Variants in HYDIN observed in about 807,000 individuals in gnomAD.
The protein encoded by HYDIN is axonemal central pair apparatus protein HYDIN.
A neutral mutation model predicts 403.9 loss-of-function variants in HYDIN; 132 were observed. The observed-to-expected ratio is 0.33, with a 90% CI of 0.28 to 0.38. The LOEUF (loss-of-function observed/expected upper bound fraction) is 0.38. Ranked by LOEUF, HYDIN falls within the 10% of genes least tolerant of loss-of-function variation. The pLI, the probability that HYDIN is intolerant of heterozygous loss-of-function variation, is 1.00. For missense variants in HYDIN, 2,827 were observed against 5,009.5 expected (o/e 0.56, Z 13.15); for synonymous variants, 1,202 against 1,891.7 (o/e 0.64, Z 9.46).
Position 70,809,840 on chromosome 16 carries a change from T to C in HYDIN, c.14826A>G (p.Gln4942=), listed in dbSNP as rs747587965. The change falls in exon 85 of 86, where the codon CAA becomes CAG. Residue 4942 remains glutamine, a synonymous_variant. Transcript: ENST00000393567. ...AATTGATGAACTTCACAAGGATGAT[T>C]TGGCTGCTGCCAAGGACAGTCTGGA... is the stretch of plus-strand genomic sequence containing the variant. ...VHFQTVLGSS[Q]IILVKFINYT... 9.9e-6 allele frequency: 16 copies of C among 1,614,090 alleles called. No individual in the cohort carries two copies. The African/African-American group carries it at 1.5e-4, about 15-fold the overall frequency.
chr16:70,877,313 T>C (rs974092971), intron 62 of HYDIN, among the ~76,000 whole-genome samples: 1 of 151,402 alleles, frequency 6.6e-6, no homozygotes, highest in Non-Finnish European at 1.5e-5. Context: ...TTTTCCAAAA[T>C]TGACTTAATT....
intron 1 of HYDIN, among the ~76,000 whole-genome samples, chr16:71,196,472 C>A (rs1158174080): frequency 1.3e-5 from 2 of 152,188 alleles, no homozygotes; most frequent in African/African-American, 2.4e-5. Flanking sequence ...CAGATGCAAA[C>A]TGGAATCTAC....
chr16:70,984,879 G>A (rs1774524), intron 28 of HYDIN, among the ~76,000 whole-genome samples: 3,655 of 138,010 alleles, frequency 0.026, no homozygotes, highest in African/African-American at 0.12. Context: ...GAATTACAAG[G>A]GCAGCGTGAA....
chr16:71,026,895 A>C (rs921354107), intron 20 of HYDIN, among the ~76,000 whole-genome samples: 1 of 152,050 alleles, frequency 6.6e-6, no homozygotes, highest in African/African-American at 2.4e-5. Context: ...CACAAGCAGG[A>C]TCTTAAGCAA....
chr16:71,084,953 C>T (rs892285186), intron 12 of HYDIN, among the ~76,000 whole-genome samples: 2 of 149,192 alleles, frequency 1.3e-5, no homozygotes, highest in African/African-American at 5.0e-5. Context: ...ATAAATCCCA[C>T]TTCGTCATGG....
At chr16:71,025,556 A>T in intron 20 of HYDIN, 30 bp from the exon 21 acceptor site, 1 of 161,276 alleles carries the variant, frequency 6.2e-6, no homozygotes, top group Non-Finnish European at 1.1e-5. Context: ...GCATTTGGGG[A>T]ACAACTATAA....
At chr16:70,967,757 T>C (rs1262291229) in intron 36 of HYDIN, among the ~76,000 whole-genome samples, 2 of 151,266 alleles carry the variant, frequency 1.3e-5, no homozygotes, top group Non-Finnish European at 2.9e-5. Flanking sequence ...AAGAATTTTG[T>C]ATTTTTTTTT....
At chr16:71,012,847 C>CTT (rs35998725) in intron 23 of HYDIN, among the ~76,000 whole-genome samples, 21 of 125,722 alleles carry the variant, frequency 1.7e-4, no homozygotes, top group African/African-American at 5.0e-4. Context: ...AACCAGGTGG[C>CTT]TTTTTTTTTT....
intron 23 of HYDIN, among the ~76,000 whole-genome samples, chr16:71,016,480 A>G: frequency 6.7e-6 from 1 of 149,914 alleles, no homozygotes; most frequent in Non-Finnish European, 1.5e-5. Context: ...GTTGGTGAGG[A>G]TGCGGAGAAA....
intron 6 of HYDIN, among the ~76,000 whole-genome samples, chr16:71,157,526 C>T (rs1186656729): frequency 9.3e-5 from 14 of 150,522 alleles, no homozygotes; most frequent in African/African-American, 3.4e-4. Flanking sequence ...CAAATTCAAC[C>T]ACATTCTTTC....
In HYDIN at chr16:70,829,580, G is replaced by A. The variant is rs752418575; in HGVS notation, c.14112+38C>T. 1.1e-5 allele frequency: 17 copies of A among 1,547,716 alleles called. No individual in the cohort carries two copies. In the South Asian group the frequency reaches 1.8e-4, roughly 16 times the overall value. On this transcript the variant is annotated intron_variant, in intron 81 of 85. Transcript: ENST00000393567. Reference sequence around the variant, plus strand: ...TTCACATAGTGCCACCTTCAACTATGCCAGGAAACCAATGGGGGTGGGGGG... The same window carrying A: ...TTCACATAGTGCCACCTTCAACTATACCAGGAAACCAATGGGGGTGGGGGG...
chr16:71,010,349 G>T (rs567963545), intron 23 of HYDIN, among the ~76,000 whole-genome samples: 1 of 152,314 alleles, frequency 6.6e-6, no homozygotes, highest in South Asian at 2.1e-4. Context: ...GTTTATGGAA[G>T]GGACAAAAGC....
intron 23 of HYDIN, among the ~76,000 whole-genome samples, chr16:71,007,076 C>G (rs2079912506): frequency 1.3e-5 from 2 of 151,266 alleles, no homozygotes; most frequent in African/African-American, 2.4e-5. Context: ...CCGTCCCTCC[C>G]TTCCTTCCTT....
At chr16:71,134,994 A>C (rs2084859795) in intron 8 of HYDIN, among the ~76,000 whole-genome samples, 1 of 152,200 alleles carries the variant, frequency 6.6e-6, no homozygotes. Context: ...CCGAGATAAA[A>C]CAATAGTTTG....
chr16:70,840,857 A>G (rs1314113969), intron 75 of HYDIN, among the ~76,000 whole-genome samples: 4 of 151,886 alleles, frequency 2.6e-5, no homozygotes, highest in Non-Finnish European at 5.9e-5. Flanking sequence ...GAAAGAGCAC[A>G]GGTCATCATC....
At chr16:71,223,736 C>T (rs1356780618) in intron 1 of HYDIN, among the ~76,000 whole-genome samples, 1 of 152,048 alleles carries the variant, frequency 6.6e-6, no homozygotes, top group Admixed American at 6.5e-5. Flanking sequence ...AAATGCTCAT[C>T]AGTAGTTGTC....
At position 70,804,987 on chromosome 16, in the gene HYDIN, C is replaced by T. The variant is rs1211149001; in HGVS notation, c.*2593G>A. Among the ~76,000 whole-genome samples the T allele has an allele frequency of 2.6e-5, 4 of 152,224 alleles. No homozygotes were observed. Among genetic ancestry groups the T allele is most frequent in the Non-Finnish European group, 5.9e-5 (4 of 68,038 alleles). On this transcript the variant is annotated 3_prime_UTR_variant, in exon 86 of 86. Coordinates refer to ENST00000393567, the MANE Select transcript of HYDIN (RefSeq NM_001270974.2). ...ACAAGATTTCAGACAGCTTCTTCCA[C>T]CTTTTCTTTAGTCTTAGGGATCACT...
rs1296866789 is a variant in HYDIN at position 71,032,287 on chromosome 16, C to T, written c.2530-370G>A. 4.2e-5 allele frequency among the ~76,000 whole-genome samples: 6 copies of T among 143,400 alleles called. No individual in the cohort carries two copies. The East Asian group carries it at 8.1e-4, about 19-fold the overall frequency. The allele number at this position is 143,400 out of a possible 152,430, so 94.1% of individuals were successfully genotyped here. On this transcript the variant is annotated intron_variant, in intron 18 of 85. Coordinates refer to ENST00000393567, the MANE Select transcript of HYDIN (RefSeq NM_001270974.2). ...GAGTTTGAAATTTTTATTTTTTATT[C>T]TTATTTATTTTTCCTTTTTGTTTTT...
intron 18 of HYDIN, among the ~76,000 whole-genome samples, chr16:71,038,092 T>C (rs1193583126): frequency 6.6e-6 from 1 of 152,254 alleles, no homozygotes; most frequent in African/African-American, 2.4e-5. Flanking sequence ...CAGAGTCGTT[T>C]GAGCAGCTCG....
Sources: allele counts gnomAD v4.1 joint callset (sites outside exome capture counted in the v4.1 genomes callset), GRCh38; gene constraint gnomAD v4.1.1; transcripts MANE v1.5; gene names NCBI Gene and HGNC (gene_info 2026-07-23, HGNC 2026-07-21).